Variants in TMPRSS11D observed in about 807,000 individuals in gnomAD.
TMPRSS11D encodes the protein transmembrane protease serine 11D.
In TMPRSS11D, 32 loss-of-function variants were observed where a neutral mutation model predicts 44.4. The observed-to-expected ratio is 0.72, with a 90% CI of 0.54 to 0.97. TMPRSS11D has a LOEUF of 0.97. TMPRSS11D is among the 50% of genes least tolerant of loss of function. TMPRSS11D has a pLI of 0.00. For synonymous variants in TMPRSS11D, 179 were observed against 177.9 expected (o/e 1.01, Z -0.05); for missense variants, 446 against 502.6 (o/e 0.89, Z 1.08).
At chr4:67,877,470 C>T (rs1279977049) in intron 1 of TMPRSS11D, among the ~76,000 whole-genome samples, 3 of 152,150 alleles carry the variant, frequency 2.0e-5, no homozygotes, top group Non-Finnish European at 4.4e-5. Context: ...CCAAAAATTA[C>T]GCCTGAGAAA....
intron 3 of TMPRSS11D, among the ~76,000 whole-genome samples, chr4:67,844,843 T>C (rs1718321468): frequency 6.6e-6 from 1 of 152,132 alleles, no homozygotes. Context: ...GAATTAACCA[T>C]TGCTGTAATT....
chr4:67,862,199 C>T (rs772969458), intron 1 of TMPRSS11D, among the ~76,000 whole-genome samples: 8 of 152,038 alleles, frequency 5.3e-5, no homozygotes, highest in Non-Finnish European at 1.0e-4. Flanking sequence ...GCCTATCTGC[C>T]AGGCATTGTA....
At chr4:67,854,235 G>A in intron 2 of TMPRSS11D, 49 bp from the exon 3 acceptor site, 1 of 991,678 alleles carries the variant, frequency 1.0e-6, no homozygotes, top group Non-Finnish European at 1.5e-6. Context: ...CTAAGTTGTT[G>A]AACCTTTAAT....
At chr4:67,841,613 A>C (rs1256970733) in intron 4 of TMPRSS11D, among the ~76,000 whole-genome samples, 1 of 152,184 alleles carries the variant, frequency 6.6e-6, no homozygotes, top group African/African-American at 2.4e-5. Context: ...GAAAAGGCAG[A>C]AGGCTCATGT....
At chr4:67,878,898 C>T (rs1452919713) in intron 1 of TMPRSS11D, among the ~76,000 whole-genome samples, 1 of 152,054 alleles carries the variant, frequency 6.6e-6, no homozygotes, top group South Asian at 2.1e-4. Context: ...TGCACTCCAG[C>T]CTTGGGGAGA....
intron 1 of TMPRSS11D, among the ~76,000 whole-genome samples, chr4:67,879,646 A>G (rs573318193): frequency 1.3e-5 from 2 of 152,194 alleles, no homozygotes; most frequent in East Asian, 3.9e-4. Context: ...TCTCTGGTGG[A>G]GTGATTATGT....
intron 3 of TMPRSS11D, among the ~76,000 whole-genome samples, chr4:67,846,287 ATAC>A (rs949500109): frequency 3.0e-4 from 45 of 152,086 alleles, no homozygotes; most frequent in African/African-American, 1.0e-3. Flanking sequence ...ACATGTAATA[ATAC>A]TACATTACTA....
chr4:67,874,019 A>G (rs1018506260), intron 1 of TMPRSS11D, among the ~76,000 whole-genome samples: 13 of 152,224 alleles, frequency 8.5e-5, no homozygotes, highest in African/African-American at 2.9e-4. Context: ...CAGTGGTCCC[A>G]TATGACTTAT....
chr4:67,856,563 T>C (rs772440894), intron 2 of TMPRSS11D, among the ~76,000 whole-genome samples: 4 of 152,108 alleles, frequency 2.6e-5, no homozygotes, highest in Non-Finnish European at 5.9e-5. Flanking sequence ...CTTCATGTCT[T>C]TAGTCTAGGG....
intron 9 of TMPRSS11D, 92 bp downstream of exon 9, chr4:67,825,640 C>T (rs1717771972): frequency 1.0e-5 from 14 of 1,392,242 alleles, no homozygotes; most frequent in Non-Finnish European, 1.4e-5. Context: ...TGTATTGTAA[C>T]TGTTACACTT....
In TMPRSS11D at chr4:67,833,197, G is replaced by GC; in HGVS notation, c.692+6dup. ...GTTCCCAGATGGGTAGGTAGTGGTG[G>GC]CCTCACCTTCTGAAGCAGTGAGCTG... On this transcript the variant is annotated splice_region_variant and intron_variant, in intron 7 of 9. Transcript: ENST00000283916. 6.9e-7 allele frequency: 1 copy of GC among 1,459,210 alleles called. No homozygotes were observed. The highest frequency in any genetic ancestry group is 1.5e-5 in the South Asian group (1 of 65,258). 90.4% of individuals were successfully genotyped at this position (1,459,210 alleles called of 1,614,324 possible).
chr4:67,871,392 A>G (rs1192122007), intron 1 of TMPRSS11D, among the ~76,000 whole-genome samples: 1 of 152,046 alleles, frequency 6.6e-6, no homozygotes, highest in Non-Finnish European at 1.5e-5. Flanking sequence ...CTGTATTGTC[A>G]CTCTCATACC....
chr4:67,833,480 A>T, intron 6 of TMPRSS11D, 99 bp from the exon 7 acceptor site: 1 of 1,152,140 alleles, frequency 8.7e-7, no homozygotes, highest in Non-Finnish European at 1.1e-6. Context: ...TTTATGTCTT[A>T]TACATTCTTC....
intron 1 of TMPRSS11D, 133 bp from the exon 2 acceptor site, chr4:67,859,811 T>C: frequency 1.6e-6 from 2 of 1,251,530 alleles, no homozygotes; most frequent in Non-Finnish European, 2.2e-6. Flanking sequence ...AACATATTCG[T>C]AGATATGAAA....
At chr4:67,850,356 T>C (rs754014211) in intron 3 of TMPRSS11D, among the ~76,000 whole-genome samples, 2 of 152,138 alleles carry the variant, frequency 1.3e-5, no homozygotes, top group South Asian at 4.1e-4. Flanking sequence ...CTGTGAGAAA[T>C]AAATTTTTGT....
At chr4:67,859,737 T>G (rs1718750983) in intron 1 of TMPRSS11D, 59 bp from the exon 2 acceptor site, 4 of 1,600,066 alleles carry the variant, frequency 2.5e-6, no homozygotes, top group Non-Finnish European at 3.4e-6. Flanking sequence ...TCCATCATTT[T>G]AGTGTTCATG....
At chr4:67,854,338 AATT>A (rs1718582646) in intron 2 of TMPRSS11D, 152 bp from the exon 3 acceptor site, 1 of 465,960 alleles carries the variant, frequency 2.1e-6, no homozygotes, top group Non-Finnish European at 3.7e-6. Flanking sequence ...ATTATGATAA[AATT>A]ATTATCTTTT....
chr4:67,863,491 T>G (rs1434482312), intron 1 of TMPRSS11D, among the ~76,000 whole-genome samples: 1 of 152,102 alleles, frequency 6.6e-6, no homozygotes, highest in Non-Finnish European at 1.5e-5. Context: ...TTATTTAAAA[T>G]TTCCTTTGTT....
At chr4:67,833,163 A>G (rs780840425) in intron 7 of TMPRSS11D, 41 bp downstream of exon 7, 1 of 1,385,846 alleles carries the variant, frequency 7.2e-7, no homozygotes, top group Non-Finnish European at 9.4e-7. Flanking sequence ...TGACCTGTCT[A>G]TTCTAATTGT....
Sources: allele counts gnomAD v4.1 joint callset (sites outside exome capture counted in the v4.1 genomes callset), GRCh38; gene constraint gnomAD v4.1.1; transcripts MANE v1.5; gene names NCBI Gene and HGNC (gene_info 2026-07-23, HGNC 2026-07-21).